The following TSHZ2 variants were observed in gnomAD, a reference collection of about 807,000 sequenced individuals.
TSHZ2 encodes teashirt homolog 2.
In TSHZ2, 21 loss-of-function variants were observed where a neutral mutation model predicts 74.4. That is an observed-to-expected ratio of 0.28 (90% CI 0.20 to 0.41). The LOEUF (loss-of-function observed/expected upper bound fraction) is 0.41, where lower values mean the gene tolerates loss of function less well. Ranked by LOEUF, TSHZ2 falls within the 10% of genes least tolerant of loss-of-function variation. The pLI is 1.00. For missense variants in TSHZ2, 1,244 were observed against 1,293.5 expected, an observed-to-expected ratio of 0.96 and a Z score of 0.59; for synonymous variants, 540 against 515.3, an observed-to-expected ratio of 1.05 and a Z score of -0.65.
At chr20:53,234,762 G>A (rs1989902479) in intron 1 of TSHZ2, among the ~76,000 whole-genome samples, 1 of 152,130 alleles carries the variant, frequency 6.6e-6, no homozygotes, top group East Asian at 1.9e-4. Flanking sequence ...AGAAAATCCA[G>A]GAAGAGGGAA....
In TSHZ2 at chr20:53,255,995, C is replaced by T; in HGVS notation, c.2537C>T (p.Ser846Phe). The change falls in exon 2 of 3, where the codon TCC becomes TTC. Residue 846 changes from serine to phenylalanine, a missense_variant. Ser to Phe is a radical substitution (Grantham distance 155, BLOSUM62 -2). Around this residue, in one of 6 missense-constraint regions of TSHZ2, gnomAD observed 562 missense variants for 544.0 expected, o/e 1.03. Transcript: ENST00000371497. The surrounding 1 kb of genome is among the most constrained non-coding windows in gnomAD (Gnocchi z 4.1). Reference sequence around the variant, plus strand: ...TTGCATAAAAGAAAAGGCCGGCAGTCCAACTGGAATCCTCAGCATCTTCTG... The same window carrying T: ...TTGCATAAAAGAAAAGGCCGGCAGTTCAACTGGAATCCTCAGCATCTTCTG... ...STLHKRKGRQ[S>F]NWNPQHLLIL... 1.2e-6 allele frequency: 2 copies of T among 1,613,654 alleles called. No homozygotes were observed. The highest frequency in any genetic ancestry group is 8.5e-7 in the Non-Finnish European group (1 of 1,179,668).
chr20:53,048,109 A>G (rs1984293575), intron 1 of TSHZ2, among the ~76,000 whole-genome samples: 1 of 152,232 alleles, frequency 6.6e-6, no homozygotes, highest in South Asian at 2.1e-4. Context: ...TCCGCTCAAC[A>G]TTCTGCATCA....
intron 1 of TSHZ2, among the ~76,000 whole-genome samples, chr20:53,071,190 G>C (rs559438414): frequency 1.3e-5 from 2 of 152,262 alleles, no homozygotes; most frequent in South Asian, 4.1e-4. Context: ...GTTCAAGAGA[G>C]GAATGAGCCT....
intron 2 of TSHZ2, among the ~76,000 whole-genome samples, chr20:53,285,418 C>G (rs1380492410): frequency 6.6e-6 from 1 of 152,082 alleles, no homozygotes; most frequent in Non-Finnish European, 1.5e-5. Flanking sequence ...AGTACAATAT[C>G]TGAGAAATGG....
intron 2 of TSHZ2, among the ~76,000 whole-genome samples, chr20:53,356,011 G>A (rs6097373): frequency 4.6e-5 from 7 of 152,328 alleles, no homozygotes; most frequent in African/African-American, 1.7e-4. Context: ...GCAAAGTTTA[G>A]AGGTAGTGAG....
intron 2 of TSHZ2, among the ~76,000 whole-genome samples, chr20:53,364,917 G>A (rs1168488631): frequency 1.3e-5 from 2 of 152,234 alleles, no homozygotes; most frequent in Non-Finnish European, 2.9e-5. Flanking sequence ...TCCTGCTGTG[G>A]CCTGGAATGG....
rs1986437565 is a variant in TSHZ2 at position 53,491,092 on chromosome 20, T to C, written c.*3957T>C. ...AAAAAAAAAAAAACCCCAAATGTCATTTTTCACATTATCCTCTCTTCTCTG... is the reference window on the plus strand; with the variant it reads ...AAAAAAAAAAAAACCCCAAATGTCACTTTTCACATTATCCTCTCTTCTCTG... On this transcript the variant is annotated 3_prime_UTR_variant, in exon 3 of 3. Coordinates refer to ENST00000371497, the MANE Select transcript of TSHZ2 (RefSeq NM_173485.6). 1 of 151,858 alleles carries C rather than the reference T, an allele frequency of 6.6e-6. No homozygotes were observed. Among genetic ancestry groups the C allele is most frequent in the African/African-American group, 2.4e-5 (1 of 41,392 alleles). 9.4% of individuals were successfully genotyped at this position (151,858 alleles called of 1,614,324 possible).
chr20:53,013,420 A>G (rs1485296739), intron 1 of TSHZ2, among the ~76,000 whole-genome samples: 2 of 152,162 alleles, frequency 1.3e-5, no homozygotes, highest in Admixed American at 6.5e-5. Context: ...ACAAGGTACT[A>G]AAGAATTTTA....
At chr20:53,210,328 A>G (rs1989274222) in intron 1 of TSHZ2, among the ~76,000 whole-genome samples, 1 of 152,152 alleles carries the variant, frequency 6.6e-6, no homozygotes, top group South Asian at 2.1e-4. Context: ...CCAGCATCCA[A>G]GGGAAAATCG....
At chr20:53,206,025 C>G (rs972774922) in intron 1 of TSHZ2, among the ~76,000 whole-genome samples, 2 of 152,100 alleles carry the variant, frequency 1.3e-5, no homozygotes, top group African/African-American at 4.8e-5. Flanking sequence ...TTGAGACCAG[C>G]CTTACCAAAG....
At chr20:53,073,438 A>G (rs1223423440) in intron 1 of TSHZ2, among the ~76,000 whole-genome samples, 1 of 150,590 alleles carries the variant, frequency 6.6e-6, no homozygotes, top group African/African-American at 2.4e-5. Context: ...CTATCCCTCC[A>G]TCCATCCATC....
At chr20:53,228,765 G>A (rs958396348) in intron 1 of TSHZ2, among the ~76,000 whole-genome samples, 18 of 151,506 alleles carry the variant, frequency 1.2e-4, no homozygotes, top group Non-Finnish European at 2.4e-4. Context: ...TTGGATGCCA[G>A]TGGCACCACC....
chr20:53,265,502 C>A (rs912153924), intron 2 of TSHZ2, among the ~76,000 whole-genome samples: 11 of 152,188 alleles, frequency 7.2e-5, no homozygotes, highest in African/African-American at 2.7e-4. Context: ...CCTCCTCCAG[C>A]CCCGCAGCGT....
chr20:53,039,728 A>C (rs1388147037), intron 1 of TSHZ2, among the ~76,000 whole-genome samples: 1 of 151,718 alleles, frequency 6.6e-6, no homozygotes. Context: ...TGCAGTGAGC[A>C]GAGATTGTGC....
chr20:53,104,385 A>C (rs1249709208), intron 1 of TSHZ2, among the ~76,000 whole-genome samples: 1 of 152,204 alleles, frequency 6.6e-6, no homozygotes, highest in East Asian at 1.9e-4. Flanking sequence ...GCTTAAGAGC[A>C]CTAGGAGCAA....
At chr20:53,065,649 C>T (rs577375218) in intron 1 of TSHZ2, among the ~76,000 whole-genome samples, 7 of 152,288 alleles carry the variant, frequency 4.6e-5, no homozygotes, top group Admixed American at 2.0e-4. Flanking sequence ...TGCATTCCCT[C>T]TGGAAGGGGG....
intron 2 of TSHZ2, among the ~76,000 whole-genome samples, chr20:53,336,766 T>G (rs903912445): frequency 6.6e-6 from 1 of 152,202 alleles, no homozygotes; most frequent in African/African-American, 2.4e-5. Flanking sequence ...GTTGAAGATA[T>G]CTTCTCGCTT....
At chr20:53,249,009 C>CTT (rs11484282) in intron 1 of TSHZ2, among the ~76,000 whole-genome samples, 26 of 147,670 alleles carry the variant, frequency 1.8e-4, no homozygotes, top group Non-Finnish European at 2.4e-4. Flanking sequence ...GGCTGATTTT[C>CTT]TTTTTTTTTT....
chr20:53,460,604 T>C (rs968321239), intron 2 of TSHZ2, among the ~76,000 whole-genome samples: 33 of 152,254 alleles, frequency 2.2e-4, no homozygotes, highest in Admixed American at 2.2e-3. Flanking sequence ...GCTGCGTTCC[T>C]TTGGAGGAGG....
Sources: allele counts gnomAD v4.1 joint callset (sites outside exome capture counted in the v4.1 genomes callset), GRCh38; gene constraint gnomAD v4.1.1; regional missense constraint gnomAD v4.1.1; non-coding constraint Gnocchi (gnomAD v3.1); transcripts MANE v1.5; gene names NCBI Gene and HGNC (gene_info 2026-07-23, HGNC 2026-07-21).